The following NKAIN1 variants were observed in gnomAD, a reference collection of about 807,000 sequenced individuals.
NKAIN1 encodes sodium/potassium-transporting ATPase subunit beta-1-interacting protein 1.
NKAIN1 carries 13 observed loss-of-function variants against 31.6 expected under a neutral mutation model. The ratio of observed to expected loss-of-function variants is 0.41; its 90% CI spans 0.27 to 0.65. The LOEUF is 0.65. Ranked by LOEUF, NKAIN1 falls within the 30% of genes least tolerant of loss-of-function variation. The pLI is 0.30. For synonymous variants in NKAIN1, 104 were observed against 109.0 expected (o/e 0.95, Z 0.28); for missense variants, 193 against 262.2 (o/e 0.74, Z 1.82).
chr1:31,208,696 A>G (rs1570465623), intron 1 of NKAIN1, among the ~76,000 whole-genome samples: 1 of 152,054 alleles, frequency 6.6e-6, no homozygotes, highest in African/African-American at 2.4e-5. Flanking sequence ...GCCTCCCTCA[A>G]AATGCTCCCT....
intron 1 of NKAIN1, among the ~76,000 whole-genome samples, chr1:31,228,622 T>C (rs1645625071): frequency 6.6e-6 from 1 of 152,080 alleles, no homozygotes; most frequent in Non-Finnish European, 1.5e-5. Context: ...CTTTCTTGCT[T>C]TTTTTCATTG....
At chr1:31,218,068 CTTTTTTTTTTTTGAGATGGAG>C (rs1645531370) in intron 1 of NKAIN1, among the ~76,000 whole-genome samples, 1 of 132,934 alleles carries the variant, frequency 7.5e-6, no homozygotes, top group Admixed American at 7.6e-5. Context: ...TTCTTTCTTT[CTTTTTTTTTTTTGAGATGGAG>C]TCTCGCTCTG....
chr1:31,191,527 A>G (rs868202745), intron 1 of NKAIN1, among the ~76,000 whole-genome samples: 4 of 151,592 alleles, frequency 2.6e-5, no homozygotes, highest in South Asian at 2.1e-4. Flanking sequence ...TTCTTCAACT[A>G]TAAATAGAGA....
chr1:31,185,235 T>C lies in NKAIN1; in HGVS notation c.273+12A>G. On this transcript the variant is annotated intron_variant, in intron 3 of 6. Coordinates refer to ENST00000373736, the MANE Select transcript of NKAIN1 (RefSeq NM_024522.3). ...GGCTCTGCCCTATGGCACTGCCAGGTCTGAGGCTTACCTGGGACAGCTGTC... is the reference window on the plus strand; with the variant it reads ...GGCTCTGCCCTATGGCACTGCCAGGCCTGAGGCTTACCTGGGACAGCTGTC... The C allele has an allele frequency of 6.2e-7, 1 of 1,602,134 alleles. No homozygotes were observed. Among genetic ancestry groups the C allele is most frequent in the Non-Finnish European group, 8.5e-7 (1 of 1,173,436 alleles).
chr1:31,181,813 AC>A, intron 6 of NKAIN1, 46 bp downstream of exon 6: 1 of 1,573,576 alleles, frequency 6.4e-7, no homozygotes, highest in Non-Finnish European at 8.6e-7. Context: ...CCTTTTCGCA[AC>A]CCCGACGCCC....
intron 1 of NKAIN1, among the ~76,000 whole-genome samples, chr1:31,206,237 A>AAAATAAATAAATAAATAATAAAT (rs1553162856): frequency 1.5e-5 from 2 of 130,812 alleles, no homozygotes; most frequent in East Asian, 4.5e-4. Flanking sequence ...CTCCATCTCA[A>AAAATAAATAAATAAATAATAAAT]AAATAAATAA....
intron 3 of NKAIN1, 82 bp from the exon 4 acceptor site, chr1:31,184,096 G>T: frequency 7.9e-7 from 1 of 1,268,102 alleles, no homozygotes; most frequent in Non-Finnish European, 1.1e-6. Flanking sequence ...AGACTATATT[G>T]ATCGGTGAAG....
At chr1:31,235,292 G>T (rs970194720) in intron 1 of NKAIN1, among the ~76,000 whole-genome samples, 2 of 150,774 alleles carry the variant, frequency 1.3e-5, no homozygotes, top group Non-Finnish European at 2.9e-5. Flanking sequence ...AGAGAGAAAA[G>T]GCACGGGATT....
In NKAIN1 at chr1:31,239,288, C is replaced by A. The variant is rs1277930465; in HGVS notation, c.54+206G>T. ...ACTTGGGGACCGGAGGAGCGCCGGGCACAGCAGCGAGAAGCGCACACAAAG... is the reference window on the plus strand; with the variant it reads ...ACTTGGGGACCGGAGGAGCGCCGGGAACAGCAGCGAGAAGCGCACACAAAG... On this transcript the variant is annotated intron_variant, in intron 1 of 6. Coordinates refer to ENST00000373736, the MANE Select transcript of NKAIN1 (RefSeq NM_024522.3). The surrounding 1 kb of genome is among the most constrained non-coding windows in gnomAD (Gnocchi z 4.8). 1.3e-5 allele frequency among the ~76,000 whole-genome samples: 2 copies of A among 152,250 alleles called. No individual in the cohort carries two copies. Among genetic ancestry groups the A allele is most frequent in the Middle Eastern group, 3.4e-3 (1 of 294 alleles).
intron 1 of NKAIN1, among the ~76,000 whole-genome samples, chr1:31,191,037 T>C (rs1645280328): frequency 6.6e-6 from 1 of 152,194 alleles, no homozygotes; most frequent in Non-Finnish European, 1.5e-5. Flanking sequence ...ACGCCTGTAA[T>C]CCCAGCACTT....
intron 1 of NKAIN1, among the ~76,000 whole-genome samples, chr1:31,223,724 G>A (rs1645581533): frequency 6.6e-6 from 1 of 152,136 alleles, no homozygotes; most frequent in South Asian, 2.1e-4. Flanking sequence ...GATTACAGGC[G>A]TGAGCCACCA....
At chr1:31,194,891 C>T (rs1364665895) in intron 1 of NKAIN1, among the ~76,000 whole-genome samples, 1 of 150,558 alleles carries the variant, frequency 6.6e-6, no homozygotes, top group Non-Finnish European at 1.5e-5. Flanking sequence ...CCTGTCTCAG[C>T]CTCCTAAGTA....
At chr1:31,238,705 C>G (rs914902263) in intron 1 of NKAIN1, among the ~76,000 whole-genome samples, 1 of 152,124 alleles carries the variant, frequency 6.6e-6, no homozygotes, top group Non-Finnish European at 1.5e-5. Context: ...TTGCTGGCCC[C>G]GGCAGAGGAG....
intron 1 of NKAIN1, among the ~76,000 whole-genome samples, chr1:31,214,111 A>G (rs1033659357): frequency 5.9e-5 from 9 of 152,152 alleles, no homozygotes; most frequent in African/African-American, 2.2e-4. Context: ...GAAAGAATGA[A>G]GTATTGATAC....
chr1:31,239,369 AC>A lies in NKAIN1; in HGVS notation c.54+124del, dbSNP rs922035922. On this transcript the variant is annotated intron_variant, in intron 1 of 6. Transcript: ENST00000373736. This position sits in a 1 kb window ranked among gnomAD's most constrained non-coding sequence, Gnocchi z 4.8. ...CCCGACCGCTCCGAGACTCCAGACC[AC>A]CCCCCGCCCGGGCACACGCACCAGA... 4.2e-4 allele frequency: 261 copies of A among 617,802 alleles called. 1 individual carries two copies. Among genetic ancestry groups the A allele is most frequent in the Middle Eastern group, 4.8e-4 (1 of 2,088 alleles). The allele number at this position is 617,802 out of a possible 1,614,324, so 38.3% of individuals were successfully genotyped here.
intron 2 of NKAIN1, among the ~76,000 whole-genome samples, chr1:31,186,471 T>G (rs557523719): frequency 1.1e-4 from 16 of 150,554 alleles, no homozygotes; most frequent in Admixed American, 6.6e-4. Flanking sequence ...TGCTGGGAAC[T>G]TTAGACCAAA....
At chr1:31,216,289 C>T (rs68117293) in intron 1 of NKAIN1, among the ~76,000 whole-genome samples, 16,352 of 151,938 alleles carry the variant, frequency 0.11, 1,640 homozygotes, top group African/African-American at 0.27. Context: ...CTGGTTCTCA[C>T]GGCCTAGTCT....
chr1:31,214,422 CA>C (rs1289184329), intron 1 of NKAIN1, among the ~76,000 whole-genome samples: 6 of 133,060 alleles, frequency 4.5e-5, no homozygotes, highest in Admixed American at 3.1e-4. Flanking sequence ...TAAAATGGAA[CA>C]ATTTTATGGT....
In NKAIN1 at chr1:31,185,285, T is replaced by G; in HGVS notation, c.235A>C (p.Ile79Leu). ...CCAACCTCCAAGTAGAAGCAGATGA[T>G]AAATGCATTCCAGCCAACCCAGAGC... ...LVLWVGWNAF[I>L]ICFYLEVGQL... Residue 79 changes from isoleucine (I) to leucine (L), a missense_variant, in exon 3 of 7, where the codon ATC becomes CTC. Coordinates refer to ENST00000373736, the MANE Select transcript of NKAIN1 (RefSeq NM_024522.3). 1 of 1,611,048 alleles carries G rather than the reference T, an allele frequency of 6.2e-7. No individual in the cohort carries two copies.
Sources: allele counts gnomAD v4.1 joint callset (sites outside exome capture counted in the v4.1 genomes callset), GRCh38; gene constraint gnomAD v4.1.1; non-coding constraint Gnocchi (gnomAD v3.1); transcripts MANE v1.5; gene names NCBI Gene and HGNC (gene_info 2026-07-23, HGNC 2026-07-21).